Variants in DRC11 observed in about 807,000 individuals in gnomAD.
DRC11 encodes dynein regulatory complex subunit 11.
the DRC11 span, chr2:236,399,621 G>A: frequency 1.4e-6 from 1 of 713,338 alleles, no homozygotes; most frequent in Non-Finnish European, 2.5e-6. This position sits in a 1 kb window ranked among gnomAD's most constrained non-coding sequence, Gnocchi z 7.0. Context: ...TGCCCCTCTG[G>A]CCCGTCTAAG....
the DRC11 span, among the ~76,000 whole-genome samples, chr2:236,397,221 A>G: frequency 6.6e-6 from 1 of 152,218 alleles, no homozygotes; most frequent in Non-Finnish European, 1.5e-5. The surrounding 1 kb of genome is among the most constrained non-coding windows in gnomAD (Gnocchi z 5.0). Flanking sequence ...TTCTTGATTT[A>G]TCCATGTCAG....
chr2:236,499,853 T>G, the DRC11 span, among the ~76,000 whole-genome samples: 3 of 152,216 alleles, frequency 2.0e-5, no homozygotes, highest in African/African-American at 7.2e-5. This position sits in a 1 kb window ranked among gnomAD's most constrained non-coding sequence, Gnocchi z 4.7. Context: ...TATCCATGGT[T>G]AACCACCCTG....
At chr2:236,390,126 G>A in the DRC11 span, among the ~76,000 whole-genome samples, 1 of 152,106 alleles carries the variant, frequency 6.6e-6, no homozygotes, top group Non-Finnish European at 1.5e-5. The surrounding 1 kb of genome is among the most constrained non-coding windows in gnomAD (Gnocchi z 5.9). Context: ...CTTCAGATAT[G>A]TTAATATTTA....
chr2:236,470,542 G>A, the DRC11 span, among the ~76,000 whole-genome samples: 2 of 152,148 alleles, frequency 1.3e-5, no homozygotes, highest in Admixed American at 6.6e-5. This position sits in a 1 kb window ranked among gnomAD's most constrained non-coding sequence, Gnocchi z 5.1. Flanking sequence ...CTCACGCTGC[G>A]GAATGCACCG....
the DRC11 span, among the ~76,000 whole-genome samples, chr2:236,374,504 C>T: frequency 6.6e-6 from 1 of 152,112 alleles, no homozygotes; most frequent in Non-Finnish European, 1.5e-5. Flanking sequence ...GTTTAATTGG[C>T]TCACGGTTCC....
At chr2:236,407,736 A>T in the DRC11 span, 1 of 266,642 alleles carries the variant, frequency 3.8e-6, no homozygotes, top group Non-Finnish European at 7.3e-6. Context: ...TCTTTAAAGA[A>T]CCTCCTCACT....
At chr2:236,419,823 C>T in the DRC11 span, among the ~76,000 whole-genome samples, 1 of 152,170 alleles carries the variant, frequency 6.6e-6, no homozygotes, top group African/African-American at 2.4e-5. The surrounding 1 kb of genome is among the most constrained non-coding windows in gnomAD (Gnocchi z 4.8). Flanking sequence ...ATCCAGTTCA[C>T]ATAGGATTAG....
At chr2:236,310,239 G>A in the DRC11 span, among the ~76,000 whole-genome samples, 7 of 152,190 alleles carry the variant, frequency 4.6e-5, no homozygotes, top group African/African-American at 1.7e-4. The surrounding 1 kb of genome is among the most constrained non-coding windows in gnomAD (Gnocchi z 5.5). Context: ...AGAAAAGGCA[G>A]GAGCTGGCTT....
the DRC11 span, among the ~76,000 whole-genome samples, chr2:236,309,344 T>C: frequency 6.6e-6 from 1 of 152,104 alleles, no homozygotes; most frequent in African/African-American, 2.4e-5. The surrounding 1 kb of genome is among the most constrained non-coding windows in gnomAD (Gnocchi z 5.7). Flanking sequence ...CAGTCCTAAT[T>C]ACCCTTCCTT....
the DRC11 span, among the ~76,000 whole-genome samples, chr2:236,458,342 T>C: frequency 6.6e-6 from 1 of 152,276 alleles, no homozygotes; most frequent in South Asian, 2.1e-4. Context: ...TCTAGGCCTG[T>C]AGAGCTTAAG....
chr2:236,396,725 T>C, the DRC11 span, among the ~76,000 whole-genome samples: 1 of 152,242 alleles, frequency 6.6e-6, no homozygotes, highest in Admixed American at 6.5e-5. Context: ...ATCTACCTGC[T>C]AATTACATTA....
At chr2:236,467,488 A>C in the DRC11 span, among the ~76,000 whole-genome samples, 1 of 152,174 alleles carries the variant, frequency 6.6e-6, no homozygotes, top group Non-Finnish European at 1.5e-5. Flanking sequence ...TGCAGTGGTT[A>C]TTGTTTTAAT....
At chr2:236,385,142 G>A in the DRC11 span, among the ~76,000 whole-genome samples, 5 of 151,472 alleles carry the variant, frequency 3.3e-5, no homozygotes, top group Non-Finnish European at 7.4e-5. Flanking sequence ...TTGGCGACGC[G>A]GGCTCTTTTT....
chr2:236,486,908 C>T, the DRC11 span: 1 of 1,594,576 alleles, frequency 6.3e-7, no homozygotes, highest in South Asian at 1.1e-5. The surrounding 1 kb of genome is among the most constrained non-coding windows in gnomAD (Gnocchi z 5.7). Flanking sequence ...AACCTAAAAA[C>T]AAATAAATGG....
the DRC11 span, among the ~76,000 whole-genome samples, chr2:236,355,749 C>CTCTCTCTG: frequency 2.0e-4 from 22 of 107,854 alleles, no homozygotes; most frequent in African/African-American, 6.4e-4. Context: ...CTCTCTCTCT[C>CTCTCTCTG]TGTGTGTGTG....
chr2:236,427,679 C>G, the DRC11 span, among the ~76,000 whole-genome samples: 1 of 152,054 alleles, frequency 6.6e-6, no homozygotes, highest in Non-Finnish European at 1.5e-5. This position sits in a 1 kb window ranked among gnomAD's most constrained non-coding sequence, Gnocchi z 5.9. Flanking sequence ...TTATCTTTCA[C>G]AAAACCAACT....
At chr2:236,377,000 G>T in the DRC11 span, 1 of 761,652 alleles carries the variant, frequency 1.3e-6, no homozygotes, top group East Asian at 2.6e-5. This position sits in a 1 kb window ranked among gnomAD's most constrained non-coding sequence, Gnocchi z 5.7. Context: ...GCCAGGTTTT[G>T]GCTTGAACAA....
At chr2:236,448,733 G>A in the DRC11 span, among the ~76,000 whole-genome samples, 2 of 152,236 alleles carry the variant, frequency 1.3e-5, no homozygotes, top group Admixed American at 6.5e-5. This position sits in a 1 kb window ranked among gnomAD's most constrained non-coding sequence, Gnocchi z 5.3. Context: ...GCAGCTGTAA[G>A]GCAGCGGGAC....
chr2:236,311,547 T>G, the DRC11 span, among the ~76,000 whole-genome samples: 1 of 152,214 alleles, frequency 6.6e-6, no homozygotes, highest in South Asian at 2.1e-4. This position sits in a 1 kb window ranked among gnomAD's most constrained non-coding sequence, Gnocchi z 6.9. Context: ...TTTCTTAGGA[T>G]CCTGGAGGTC....
Sources: allele counts gnomAD v4.1 joint callset (sites outside exome capture counted in the v4.1 genomes callset), GRCh38; gene constraint gnomAD v4.1.1; non-coding constraint Gnocchi (gnomAD v3.1); transcripts MANE v1.5; gene names NCBI Gene and HGNC (gene_info 2026-07-23, HGNC 2026-07-21).